The following CNBD1 variants were observed in gnomAD, a reference collection of about 807,000 sequenced individuals.
CNBD1 encodes cyclic nucleotide binding domain containing 1.
In CNBD1, 71 loss-of-function variants were observed where a neutral mutation model predicts 54.4. That is an observed-to-expected ratio of 1.30 (90% confidence interval 1.08 to 1.59). The LOEUF (loss-of-function observed/expected upper bound fraction) is 1.59. Among genes scored for constraint, CNBD1 ranks in the 40% most tolerant of loss-of-function variants. CNBD1 has a pLI of 0.00. For synonymous variants in CNBD1, 182 were observed against 170.7 expected (o/e 1.07, Z -0.51); for missense variants, 659 against 518.0 (o/e 1.27, Z -2.64).
At chr8:86,926,582 C>G (rs959689985) in intron 3 of CNBD1, among the ~76,000 whole-genome samples, 6 of 152,202 alleles carry the variant, frequency 3.9e-5, no homozygotes, top group African/African-American at 1.4e-4. Flanking sequence ...AAGGCATTGT[C>G]TGATTTCAGA....
At chr8:87,351,247 G>T (rs1006292369) in intron 8 of CNBD1, among the ~76,000 whole-genome samples, 8 of 152,182 alleles carry the variant, frequency 5.3e-5, no homozygotes, top group Non-Finnish European at 7.3e-5. Flanking sequence ...TAGAGTGTTA[G>T]TACAGCCCAA....
At chr8:86,956,853 C>T (rs1407672374) in intron 4 of CNBD1, among the ~76,000 whole-genome samples, 1 of 152,198 alleles carries the variant, frequency 6.6e-6, no homozygotes, top group East Asian at 1.9e-4. Flanking sequence ...CTAGCCAGAA[C>T]TTCCAACACT....
intron 2 of CNBD1, among the ~76,000 whole-genome samples, chr8:87,420,997 T>A (rs1807924108): frequency 6.6e-6 from 1 of 152,010 alleles, no homozygotes; most frequent in Non-Finnish European, 1.5e-5. Context: ...TTGGGAAAGA[T>A]AAAATCAAGA....
At chr8:87,098,691 C>A (rs1811364223) in intron 4 of CNBD1, among the ~76,000 whole-genome samples, 1 of 148,566 alleles carries the variant, frequency 6.7e-6, no homozygotes, top group Non-Finnish European at 1.5e-5. Context: ...TGTTCATCAA[C>A]AAATGTATTA....
At chr8:87,240,326 G>GA (rs1242549878) in intron 6 of CNBD1, among the ~76,000 whole-genome samples, 3 of 151,960 alleles carry the variant, frequency 2.0e-5, no homozygotes, top group African/African-American at 4.8e-5. Context: ...GAATTATGTG[G>GA]AAAAAACTGA....
chr8:86,884,432 A>G (rs2131783246), intron 1 of CNBD1, among the ~76,000 whole-genome samples: 1 of 152,214 alleles, frequency 6.6e-6, no homozygotes, highest in African/African-American at 2.4e-5. Context: ...TGTCTATCTA[A>G]TATTATATTA....
chr8:86,937,301 C>A (rs944970702), intron 3 of CNBD1, among the ~76,000 whole-genome samples: 19 of 152,136 alleles, frequency 1.2e-4, no homozygotes, highest in African/African-American at 4.3e-4. Context: ...TGGGTCCCTC[C>A]CACAACACGT....
intron 1 of CNBD1, among the ~76,000 whole-genome samples, chr8:86,874,304 GA>G (rs1808483835): frequency 6.6e-6 from 1 of 152,122 alleles, no homozygotes; most frequent in South Asian, 2.1e-4. Context: ...TTATTTTGTA[GA>G]ATATCTTTCA....
intron 6 of CNBD1, among the ~76,000 whole-genome samples, chr8:87,244,274 A>G (rs1807759165): frequency 6.6e-6 from 1 of 152,182 alleles, no homozygotes; most frequent in Non-Finnish European, 1.5e-5. Flanking sequence ...AAACCTTTCC[A>G]AAGGTGACAA....
intron 4 of CNBD1, among the ~76,000 whole-genome samples, chr8:87,147,041 C>T (rs1218065640): frequency 1.3e-5 from 2 of 152,118 alleles, no homozygotes; most frequent in African/African-American, 4.8e-5. Flanking sequence ...TTTCCTCCAT[C>T]ACCACCATGC....
chr8:87,425,497 G>T (rs556174760), intron 2 of CNBD1, among the ~76,000 whole-genome samples: 1 of 152,084 alleles, frequency 6.6e-6, no homozygotes, highest in African/African-American at 2.4e-5. Flanking sequence ...ATGGGTTTTT[G>T]GTGTGGATGT....
At chr8:87,317,957 C>T (rs1023677950) in intron 8 of CNBD1, among the ~76,000 whole-genome samples, 1 of 151,814 alleles carries the variant, frequency 6.6e-6, no homozygotes, top group Non-Finnish European at 1.5e-5. Flanking sequence ...TTCAAGTTCA[C>T]CAATATTTTC....
At chr8:86,911,691 G>T (rs963130851) in intron 3 of CNBD1, among the ~76,000 whole-genome samples, 1 of 152,056 alleles carries the variant, frequency 6.6e-6, no homozygotes, top group African/African-American at 2.4e-5. Context: ...GTTCATAAAT[G>T]ACATGAGCTT....
intron 4 of CNBD1, among the ~76,000 whole-genome samples, chr8:87,020,766 A>T (rs1022037640): frequency 2.6e-5 from 4 of 152,190 alleles, no homozygotes; most frequent in Non-Finnish European, 5.9e-5. Flanking sequence ...TTCTATAGAG[A>T]ATCCCCTTGC....
chr8:86,976,037 G>A (rs1808333906), intron 4 of CNBD1, among the ~76,000 whole-genome samples: 1 of 151,560 alleles, frequency 6.6e-6, no homozygotes, highest in Non-Finnish European at 1.5e-5. Flanking sequence ...TTTGAAAAAT[G>A]TCTATCCCAG....
intron 9 of CNBD1, among the ~76,000 whole-genome samples, chr8:87,352,007 C>G (rs552566332): frequency 1.3e-5 from 2 of 152,126 alleles, no homozygotes; most frequent in African/African-American, 2.4e-5. Context: ...TACAAATGAT[C>G]AATGAACACA....
intron 4 of CNBD1, among the ~76,000 whole-genome samples, chr8:87,037,085 C>T (rs1809965887): frequency 1.3e-5 from 2 of 152,106 alleles, no homozygotes; most frequent in African/African-American, 2.4e-5. Context: ...TATTTTACCT[C>T]TCACATTTAA....
At chr8:86,932,278 A>C (rs1809470020) in intron 3 of CNBD1, among the ~76,000 whole-genome samples, 1 of 152,172 alleles carries the variant, frequency 6.6e-6, no homozygotes, top group African/African-American at 2.4e-5. Context: ...ATCTGCTTTA[A>C]GTCAGAGAGG....
At chr8:87,384,175 A>T (rs1158987347), downstream of CNBD1, among the ~76,000 whole-genome samples, 1 of 152,066 alleles carries the variant, frequency 6.6e-6, no homozygotes, top group Non-Finnish European at 1.5e-5. Flanking sequence ...ATTTCCATGC[A>T]CCATTATCTA....
Sources: allele counts gnomAD v4.1 joint callset (sites outside exome capture counted in the v4.1 genomes callset), GRCh38; gene constraint gnomAD v4.1.1; transcripts MANE v1.5; gene names NCBI Gene and HGNC (gene_info 2026-07-23, HGNC 2026-07-21).